Variants in SNX5 observed in about 807,000 individuals in gnomAD.
The protein encoded by SNX5 is sorting nexin 5.
Under a neutral mutation model 53.9 loss-of-function variants are expected in SNX5, and 31 were observed. The observed-to-expected ratio is 0.58, with a 90% CI of 0.43 to 0.78. SNX5 has a LOEUF of 0.78. SNX5 is among the 30% of genes least tolerant of loss of function. SNX5 has a pLI of 0.00. For synonymous variants in SNX5, 168 were observed against 171.1 expected (o/e 0.98, Z 0.14); for missense variants, 471 against 478.8 (o/e 0.98, Z 0.15).
intron 5 of SNX5, among the ~76,000 whole-genome samples, chr20:17,951,800 G>A (rs1364024092): frequency 6.6e-6 from 1 of 152,210 alleles, no homozygotes; most frequent in Non-Finnish European, 1.5e-5. Context: ...TAAAAGGCTT[G>A]ACAGATTTTG....
At position 17,968,494 on chromosome 20, in the gene SNX5, G is replaced by A. The variant is rs915107938; in HGVS notation, c.-69C>T. The A allele has an allele frequency of 5.5e-6, 7 of 1,266,406 alleles. No homozygotes were observed. The highest frequency in any genetic ancestry group is 5.5e-5 in the South Asian group (2 of 36,178). 78.4% of individuals were successfully genotyped at this position (1,266,406 alleles called of 1,614,324 possible). On this transcript the variant is annotated 5_prime_UTR_variant, in exon 1 of 13. Coordinates refer to ENST00000377759, the MANE Select transcript of SNX5 (RefSeq NM_014426.4). ...AAGAAGAAGCTGGGCCGCCGCCGCC[G>A]CCGCCTGGGCGCCTCTCGGGGGCGG...
At chr20:17,966,242 G>C (rs1398357545) in intron 1 of SNX5, among the ~76,000 whole-genome samples, 1 of 152,058 alleles carries the variant, frequency 6.6e-6, no homozygotes, top group African/African-American at 2.4e-5. Context: ...AAAATTAGCC[G>C]GGCATGGCGG....
intron 11 of SNX5, chr20:17,944,551 C>CA (rs1555785835): frequency 6.6e-6 from 1 of 151,362 alleles, no homozygotes; most frequent in African/African-American, 2.4e-5. Context: ...ACTCCTTTTT[C>CA]TTTTTTTTTC....
intron 11 of SNX5, chr20:17,944,990 C>T (rs112910952): frequency 6.6e-6 from 1 of 152,228 alleles, no homozygotes. Flanking sequence ...TTTTACTTGA[C>T]TAAAACTTTG....
intron 12 of SNX5, 62 bp from the exon 13 acceptor site, chr20:17,942,469 G>A: frequency 1.6e-6 from 2 of 1,242,106 alleles, no homozygotes; most frequent in Non-Finnish European, 2.4e-6. Flanking sequence ...TACCTGGAAT[G>A]ACTCAAGTAC....
Position 17,950,274 on chromosome 20 carries a change from C to A in SNX5, c.715+17G>T, listed in dbSNP as rs756794408. ...GGCTCATCAGCAAAGCTCTGACTAG[C>A]GGTAAATGATATTTACTTTTATGAG... On this transcript the variant is annotated intron_variant, in intron 7 of 12. Coordinates refer to ENST00000377759, the MANE Select transcript of SNX5 (RefSeq NM_014426.4). 6.2e-7 allele frequency: 1 copy of A among 1,606,206 alleles called. No individual in the cohort carries two copies. The highest frequency in any genetic ancestry group is 8.5e-7 in the Non-Finnish European group (1 of 1,172,940).
At position 17,956,965 on chromosome 20, in the gene SNX5, T is replaced by C; in HGVS notation, c.124A>G (p.Arg42Gly). The stretch of plus-strand genomic sequence containing the variant: ...TGCACTGTAAATTTGACTTTGTCTC[T>C]CTCACTGAGCGCATCAGGTATGTCA... ...QIDIPDALSE[R>G]DKVKFTVHTK... The change falls in exon 2 of 13, where the codon AGA becomes GGA. Residue 42 changes from arginine (R) to glycine (G), a missense_variant. Physicochemically the swap from Arg to Gly is moderately radical, Grantham distance 125. Transcript: ENST00000377759. 1 of 1,605,828 alleles carries C rather than the reference T, an allele frequency of 6.2e-7. No homozygotes were observed. The highest frequency in any genetic ancestry group is 8.5e-7 in the Non-Finnish European group (1 of 1,172,862).
Position 17,952,572 on chromosome 20 carries a change from A to AT in SNX5, c.513+14dup. 1 of 1,609,396 alleles carries AT rather than the reference A, an allele frequency of 6.2e-7. No individual in the cohort carries two copies. Among genetic ancestry groups the AT allele is most frequent in the Non-Finnish European group, 8.5e-7 (1 of 1,178,102 alleles). On this transcript the variant is annotated intron_variant, in intron 5 of 12. Coordinates refer to ENST00000377759, the MANE Select transcript of SNX5 (RefSeq NM_014426.4). ...ATTTGAAGTGGATTATCAAAATGGA[A>AT]TAAAAATGCCTTACATCCTGATCAT...
chr20:17,943,248 G>T, intron 11 of SNX5, 53 bp from the exon 12 acceptor site: 1 of 1,197,186 alleles, frequency 8.4e-7, no homozygotes, highest in Non-Finnish European at 1.2e-6. Flanking sequence ...CAATTTTCAT[G>T]TTCACTTTAA....
In SNX5 at chr20:17,952,692, A is replaced by T. The variant is rs1453349729; in HGVS notation, c.408T>A (p.Phe136Leu). 1.2e-6 allele frequency: 2 copies of T among 1,613,726 alleles called. No homozygotes were observed. The highest frequency in any genetic ancestry group is 2.7e-5 in the African/African-American group (2 of 74,862). The stretch of plus-strand genomic sequence containing the variant: ...CTTCATGGGAGGACACAGTCTTCTT[A>T]AACACAGCGAGATACTCACTGAAAA... ...QELEAEYLAV[F>L]KKTVSSHEVF... Residue 136 changes from phenylalanine to leucine, a missense_variant, in exon 5 of 13, where the codon TTT (phenylalanine) becomes TTA (leucine). Transcript: ENST00000377759.
chr20:17,962,275 C>T (rs959912689), intron 1 of SNX5: 4 of 166,004 alleles, frequency 2.4e-5, no homozygotes, highest in East Asian at 3.5e-4. Context: ...CTCAGCTCAC[C>T]GCGACCTCCA....
chr20:17,950,800 T>A (rs752542100), intron 6 of SNX5, among the ~76,000 whole-genome samples: 4 of 152,188 alleles, frequency 2.6e-5, no homozygotes, highest in African/African-American at 9.7e-5. Flanking sequence ...TGGCCAAGGA[T>A]GCCAATGCCA....
At chr20:17,961,627 AT>A in intron 1 of SNX5, 1 of 984,128 alleles carries the variant, frequency 1.0e-6, no homozygotes, top group East Asian at 1.1e-4. Context: ...AAAAAGACAC[AT>A]ATCTATTTAA....
chr20:17,942,911 A>ATG, intron 12 of SNX5, 199 bp downstream of exon 12: 5 of 459,090 alleles, frequency 1.1e-5, no homozygotes, highest in Middle Eastern at 6.3e-4. Flanking sequence ...AAAAAAAAAA[A>ATG]AGTTGCTAAA....
Position 17,950,308 on chromosome 20 carries a change from A to G in SNX5, c.698T>C (p.Met233Thr). 6.2e-7 allele frequency: 1 copy of G among 1,612,980 alleles called. No individual in the cohort carries two copies. Among genetic ancestry groups the G allele is most frequent in the Non-Finnish European group, 8.5e-7 (1 of 1,178,946 alleles). ...ATATTTACTTTTATGAGATCTGGTC[A>G]TTTTGTCAGCTTTCACACAAGAATC... Reference protein sequence around the residue: ...IKDSCVKADKMTRSHKNVADD... With the variant: ...IKDSCVKADKTTRSHKNVADD... Residue 233 changes from methionine to threonine, a missense_variant, in exon 7 of 13, where the codon ATG (methionine) becomes ACG (threonine). Transcript: ENST00000377759.
chr20:17,957,119 C>T, intron 1 of SNX5, 82 bp from the exon 2 acceptor site: 1 of 816,262 alleles, frequency 1.2e-6, no homozygotes, highest in Non-Finnish European at 2.2e-6. Context: ...TACTAAAAAG[C>T]AGTTTATACA....
At position 17,968,617 on chromosome 20, in the gene SNX5, C is replaced by G. The variant is rs926712809; in HGVS notation, c.-192G>C. On this transcript the variant is annotated 5_prime_UTR_variant, in exon 1 of 13. Coordinates refer to ENST00000377759, the MANE Select transcript of SNX5 (RefSeq NM_014426.4). ...CTGCCCCGGGAGCAGGCGAGCAGGG[C>G]GCCACGTGCTCCCCCAGAGCAGCCT... 1.8e-4 allele frequency: 115 copies of G among 628,412 alleles called. 1 individual carries two copies. In the Admixed American group the frequency reaches 2.7e-3, roughly 15 times the overall value. 38.9% of individuals were successfully genotyped at this position (628,412 alleles called of 1,614,324 possible). A position where few individuals can be genotyped will look rare whatever the true frequency, so the allele number is the denominator to read the frequency against.
intron 6 of SNX5, 112 bp from the exon 7 acceptor site, chr20:17,950,508 G>T: frequency 1.5e-6 from 1 of 646,166 alleles, no homozygotes. Context: ...ATAAACGTGA[G>T]TAAAGTTTAA....
chr20:17,949,033 A>G (rs778188119), intron 9 of SNX5, 31 bp downstream of exon 9: 11 of 1,608,856 alleles, frequency 6.8e-6, no homozygotes, highest in African/African-American at 1.3e-5. Context: ...TATAAAATAT[A>G]TATTATGAAG....
Sources: allele counts gnomAD v4.1 joint callset (sites outside exome capture counted in the v4.1 genomes callset), GRCh38; gene constraint gnomAD v4.1.1; transcripts MANE v1.5; gene names NCBI Gene and HGNC (gene_info 2026-07-23, HGNC 2026-07-21).